MYF5: variants seen among roughly 807,000 people sequenced by gnomAD.
MYF5 encodes class C basic helix-loop-helix protein 2.
MYF5 carries 20 observed loss-of-function variants against 22.3 expected under a neutral mutation model. The observed-to-expected ratio is 0.90, with a 90% confidence interval of 0.63 to 1.30. The LOEUF is 1.30. Among genes scored for constraint, MYF5 ranks in the 50% most tolerant of loss-of-function variants. MYF5 has a pLI of 0.00. For missense variants in MYF5, 348 were observed against 325.9 expected (o/e 1.07, Z -0.52); for synonymous variants, 141 against 128.4 (o/e 1.10, Z -0.66).
At chr12:80,718,468 C>T (rs532262033) in intron 2 of MYF5, 35 bp downstream of exon 2, 1 of 1,495,048 alleles carries the variant, frequency 6.7e-7, no homozygotes, top group Non-Finnish European at 9.3e-7. Context: ...GTTTAAAGAC[C>T]AGTTCAACCT....
rs770448321 is a variant in MYF5, at chr12:80,717,395, C to A, written c.332C>A (p.Thr111Lys). 2 of 1,614,040 alleles carry A rather than the reference C, an allele frequency of 1.2e-6. No individual in the cohort carries two copies. The highest frequency in any genetic ancestry group is 2.7e-5 in the African/African-American group (2 of 74,914). The change falls in exon 1 of 3, where the codon ACG (threonine) becomes AAG (lysine). Residue 111 changes from threonine to lysine, a missense_variant. Coordinates refer to ENST00000228644, the MANE Select transcript of MYF5 (RefSeq NM_005593.3). ...TTCGAAACCCTCAAGAGGTGTACCA[C>A]GACCAACCCCAACCAGAGGCTGCCC... is the stretch of plus-strand genomic sequence containing the variant. ...QAFETLKRCT[T>K]TNPNQRLPKV... is the part of the protein sequence containing the mutation.
At chr12:80,718,612 C>T (rs1045434281) in intron 2 of MYF5, among the ~76,000 whole-genome samples, 179 bp downstream of exon 2, 5 of 152,138 alleles carry the variant, frequency 3.3e-5, no homozygotes, top group Admixed American at 6.6e-5. Flanking sequence ...CTAGCAGACA[C>T]GCACGCACAC....
At position 80,717,266 on chromosome 12, in the gene MYF5, T is replaced by G; in HGVS notation, c.203T>G (p.Leu68Arg). 1 of 1,613,964 alleles carries G rather than the reference T, an allele frequency of 6.2e-7. No individual in the cohort carries two copies. The highest frequency in any genetic ancestry group is 8.5e-7 in the Non-Finnish European group (1 of 1,180,004). ...GGCCACCACCAGGCTGGTCACTGCC[T>G]CATGTGGGCCTGCAAAGCCTGCAAG... is the stretch of plus-strand genomic sequence containing the variant. ...PTGHHQAGHC[L>R]MWACKACKRK... The change falls in exon 1 of 3, where the codon CTC (leucine) becomes CGC (arginine). Residue 68 changes from leucine to arginine, a missense_variant. By Grantham distance (102) the Leu-to-Arg change is moderately radical. Coordinates refer to ENST00000228644, the MANE Select transcript of MYF5 (RefSeq NM_005593.3).
chr12:80,718,777 GACCTACA>G, intron 2 of MYF5, 77 bp from the exon 3 acceptor site: 1 of 1,201,580 alleles, frequency 8.3e-7, no homozygotes, highest in Non-Finnish European at 1.2e-6. Context: ...CAGAGGAGCT[GACCTACA>G]ATTTAAGGAG....
chr12:80,718,225 C>T, intron 1 of MYF5, 133 bp from the exon 2 acceptor site: 1 of 767,606 alleles, frequency 1.3e-6, no homozygotes, highest in African/African-American at 1.7e-5. Flanking sequence ...GCTAGCCCTT[C>T]CTAAATCAAG....
In MYF5 at chr12:80,719,073, A is replaced by T; in HGVS notation, c.*22A>T. On this transcript the variant is annotated 3_prime_UTR_variant, in exon 3 of 3. Coordinates refer to ENST00000228644, the MANE Select transcript of MYF5 (RefSeq NM_005593.3). ...ATGAACTAATTTTCTGGTCTATATG[A>T]CTTCTTCCAGGAGGGCCTAATACAC... The T allele has an allele frequency of 1.9e-6, 3 of 1,605,924 alleles. No homozygotes were observed. The highest frequency in any genetic ancestry group is 1.7e-6 in the Non-Finnish European group (2 of 1,174,802).
rs577236349 is a variant in MYF5, at chr12:80,718,207, T to C, written c.502-151T>C. On this transcript the variant is annotated intron_variant, in intron 1 of 2. Coordinates refer to ENST00000228644, the MANE Select transcript of MYF5 (RefSeq NM_005593.3). ...GATTGACCTCAGTGCCCTGGGAATTTGGAGAGGGCTAGCCCTTCCTAAATC... is the reference window on the plus strand; with the variant it reads ...GATTGACCTCAGTGCCCTGGGAATTCGGAGAGGGCTAGCCCTTCCTAAATC... The C allele has an allele frequency of 8.7e-6, 6 of 690,028 alleles. No homozygotes were observed. In the African/African-American group the frequency reaches 8.9e-5, roughly 10 times the overall value. 42.7% of individuals were successfully genotyped at this position (690,028 alleles called of 1,614,324 possible). A position where few individuals can be genotyped will look rare whatever the true frequency, so the allele number is the denominator to read the frequency against.
At position 80,719,323 on chromosome 12, in the gene MYF5, G is replaced by C. The variant is rs1054113208; in HGVS notation, c.*272G>C. On this transcript the variant is annotated 3_prime_UTR_variant, in exon 3 of 3. Transcript: ENST00000228644. The stretch of plus-strand genomic sequence containing the variant: ...TTCTGATAGGGGGCCATTGATTGAG[G>C]GTAGCTTGTTGCAATGCTTAACTTA... 1 of 199,940 alleles carries C rather than the reference G, an allele frequency of 5.0e-6. No individual in the cohort carries two copies. Among genetic ancestry groups the C allele is most frequent in the Non-Finnish European group, 1.0e-5 (1 of 99,538 alleles). The allele number at this position is 199,940 out of a possible 1,614,324, so 12.4% of individuals were successfully genotyped here.
In MYF5 at chr12:80,718,930, C is replaced by T. The variant is rs1381547702; in HGVS notation, c.647C>T (p.Ser216Phe). The T allele has an allele frequency of 3.1e-6, 5 of 1,614,158 alleles. No homozygotes were observed. The highest frequency in any genetic ancestry group is 3.4e-6 in the Non-Finnish European group (4 of 1,180,012). ...CLSNIVDRIT[S>F]SEQPGLPLQD... Reference sequence around the variant, plus strand: ...TCCAACATAGTGGACCGGATCACCTCCTCAGAGCAACCTGGGTTGCCTCTC... The same window carrying T: ...TCCAACATAGTGGACCGGATCACCTTCTCAGAGCAACCTGGGTTGCCTCTC... The change falls in exon 3 of 3, where the codon TCC (serine) becomes TTC (phenylalanine). Residue 216 changes from serine (S) to phenylalanine (F), a missense_variant. Coordinates refer to ENST00000228644, the MANE Select transcript of MYF5 (RefSeq NM_005593.3).
rs181754146 is a variant in MYF5, at chr12:80,718,602, C to T, written c.577+169C>T. The stretch of plus-strand genomic sequence containing the variant: ...AACACATCTTCTGCTCCAAATCCCC[C>T]TAGCAGACACGCACGCACACATGCA... On this transcript the variant is annotated intron_variant, in intron 2 of 2. Coordinates refer to ENST00000228644, the MANE Select transcript of MYF5 (RefSeq NM_005593.3). 9.9e-3 allele frequency among the ~76,000 whole-genome samples: 1,514 copies of T among 152,256 alleles called. 26 individuals carry two copies. The highest frequency in any genetic ancestry group is 0.058 in the Admixed American group (882 of 15,288).
Position 80,718,364 on chromosome 12 carries a change from T to C in MYF5, c.508T>C (p.Cys170Arg). Residue 170 changes from cysteine (C) to arginine (R), a missense_variant, in exon 2 of 3, where the codon TGT (cysteine) becomes CGT (arginine). Transcript: ENST00000228644. Reference protein sequence around the residue: ...TSNCSDGMPECNSPVWSRKSS... With the variant: ...TSNCSDGMPERNSPVWSRKSS... The stretch of plus-strand genomic sequence containing the variant: ...TGTGTGTCTTGTATTATAGCCCGAA[T>C]GTAACAGTCCTGTCTGGTCCAGAAA... The C allele has an allele frequency of 6.2e-7, 1 of 1,613,972 alleles. No homozygotes were observed. Among genetic ancestry groups the C allele is most frequent in the Non-Finnish European group, 8.5e-7 (1 of 1,179,832 alleles).
chr12:80,717,494 A>G lies in MYF5; in HGVS notation c.431A>G (p.Asn144Ser), dbSNP rs1868637740. The G allele has an allele frequency of 1.9e-6, 3 of 1,614,124 alleles. No individual in the cohort carries two copies. In the East Asian group the frequency reaches 6.7e-5, roughly 36 times the overall value. ...LQELLREQVE[N>S]YYSLPGQSCS... ...GAGTTGCTGAGAGAGCAGGTGGAGA[A>G]CTACTATAGCCTGCCGGGACAGAGC... The change falls in exon 1 of 3, where the codon AAC becomes AGC. Residue 144 changes from asparagine to serine, a missense_variant. Asn to Ser is a conservative substitution (Grantham distance 46). Transcript: ENST00000228644.
chr12:80,718,583 T>A lies in MYF5; in HGVS notation c.577+150T>A, dbSNP rs1476367311. The A allele has an allele frequency of 4.0e-6, 3 of 741,412 alleles. No homozygotes were observed. The African/African-American group carries it at 5.3e-5, about 13-fold the overall frequency. The allele number at this position is 741,412 out of a possible 1,614,324, so 45.9% of individuals were successfully genotyped here. Reference sequence around the variant, plus strand: ...GCTTTGGTAAAGCAAAATAAACACATCTTCTGCTCCAAATCCCCCTAGCAG... The same window carrying A: ...GCTTTGGTAAAGCAAAATAAACACAACTTCTGCTCCAAATCCCCCTAGCAG... On this transcript the variant is annotated intron_variant, in intron 2 of 2. Transcript: ENST00000228644.
chr12:80,717,301 A>G lies in MYF5; in HGVS notation c.238A>G (p.Thr80Ala). Residue 80 changes from threonine to alanine, a missense_variant, in exon 1 of 3, where the codon ACC (threonine) becomes GCC (alanine). By Grantham distance (58) the Thr-to-Ala change is moderately conservative. Transcript: ENST00000228644. ...WACKACKRKS[T>A]TMDRRKAATM... ...CTGCAAAGCCTGCAAGAGGAAGTCCACCACCATGGATCGGCGGAAGGCAGC... is the reference window on the plus strand; with the variant it reads ...CTGCAAAGCCTGCAAGAGGAAGTCCGCCACCATGGATCGGCGGAAGGCAGC... 2 of 1,613,980 alleles carry G rather than the reference A, an allele frequency of 1.2e-6. No homozygotes were observed. Among genetic ancestry groups the G allele is most frequent in the Non-Finnish European group, 1.7e-6 (2 of 1,180,000 alleles).
intron 1 of MYF5, among the ~76,000 whole-genome samples, chr12:80,717,819 T>G (rs1472011868): frequency 6.6e-6 from 1 of 152,180 alleles, no homozygotes; most frequent in Non-Finnish European, 1.5e-5. Context: ...GAATGATCAC[T>G]CAGATGTTTT....
chr12:80,718,295 T>A, intron 1 of MYF5, 63 bp from the exon 2 acceptor site: 1 of 1,365,092 alleles, frequency 7.3e-7, no homozygotes, highest in Non-Finnish European at 1.0e-6. Context: ...CAGCCTCACC[T>A]TTGGTCAGAA....
At position 80,717,317 on chromosome 12, in the gene MYF5, G is replaced by A. The variant is rs1868630102; in HGVS notation, c.254G>A (p.Arg85Gln). 2 of 1,613,986 alleles carry A rather than the reference G, an allele frequency of 1.2e-6. No homozygotes were observed. Among genetic ancestry groups the A allele is most frequent in the Non-Finnish European group, 1.7e-6 (2 of 1,180,008 alleles). The change falls in exon 1 of 3, where the codon CGG (arginine) becomes CAG (glutamine). Residue 85 changes from arginine (R) to glutamine (Q), a missense_variant. Transcript: ENST00000228644. ...AGGAAGTCCACCACCATGGATCGGCGGAAGGCAGCCACTATGCGCGAGCGG... is the reference window on the plus strand; with the variant it reads ...AGGAAGTCCACCACCATGGATCGGCAGAAGGCAGCCACTATGCGCGAGCGG... Reference protein sequence around the residue: ...CKRKSTTMDRRKAATMRERRR... With the variant: ...CKRKSTTMDRQKAATMRERRR...
chr12:80,718,833 T>C (rs1868673879), intron 2 of MYF5, 28 bp from the exon 3 acceptor site: 1 of 1,572,524 alleles, frequency 6.4e-7, no homozygotes, highest in Admixed American at 1.7e-5. Flanking sequence ...CTAATTATTT[T>C]TTAATGCTTT....
rs753753991 is a variant in MYF5, at chr12:80,717,533, C to T, written c.470C>T (p.Thr157Ile). The change falls in exon 1 of 3, where the codon ACC becomes ATC. Residue 157 changes from threonine to isoleucine, a missense_variant. Transcript: ENST00000228644. Reference sequence around the variant, plus strand: ...CCGGGACAGAGCTGCTCGGAGCCCACCAGCCCCACCTCCAACTGCTCTGAT... The same window carrying T: ...CCGGGACAGAGCTGCTCGGAGCCCATCAGCCCCACCTCCAACTGCTCTGAT... ...SLPGQSCSEPTSPTSNCSDGM... is the reference protein window; with the variant it reads ...SLPGQSCSEPISPTSNCSDGM... 1 of 1,614,040 alleles carries T rather than the reference C, an allele frequency of 6.2e-7. No homozygotes were observed. The highest frequency in any genetic ancestry group is 1.7e-5 in the Admixed American group (1 of 60,010).
Sources: gnomAD v4.1 joint callset for allele counts (sites outside exome capture counted in the v4.1 genomes callset) on GRCh38, gnomAD v4.1.1 for gene constraint, MANE v1.5 for transcripts, NCBI Gene and HGNC (gene_info 2026-07-23, HGNC 2026-07-21) for gene names.